The following POU6F2 variants were observed in gnomAD, a reference collection of about 807,000 sequenced individuals.
The protein encoded by POU6F2 is POU class 6 homeobox 2, also known as POU domain, class 6, transcription factor 2.
A neutral mutation model predicts 71.3 loss-of-function variants in POU6F2; 31 were observed. The ratio of observed to expected loss-of-function variants is 0.43; its 90% CI spans 0.33 to 0.59. The LOEUF (loss-of-function observed/expected upper bound fraction) is 0.59, where lower values mean the gene tolerates loss of function less well. Among genes scored for constraint, POU6F2 ranks in the 20% least tolerant of loss-of-function variants. POU6F2 has a pLI of 0.04. For synonymous variants in POU6F2, 347 were observed against 355.7 expected, an observed-to-expected ratio of 0.98 and a Z score of 0.27; for missense variants, 783 against 856.8, an observed-to-expected ratio of 0.91 and a Z score of 1.07.
intron 2 of POU6F2, among the ~76,000 whole-genome samples, chr7:39,121,961 AG>A (rs960476145): frequency 5.9e-5 from 9 of 152,232 alleles, no homozygotes; most frequent in Admixed American, 5.9e-4. Context: ...AGCCTACTAA[AG>A]TTCTGGGATT....
intron 4 of POU6F2, among the ~76,000 whole-genome samples, chr7:39,298,512 C>T (rs1784893868): frequency 6.6e-6 from 1 of 152,138 alleles, no homozygotes; most frequent in Middle Eastern, 3.2e-3. Context: ...CAATAGAATG[C>T]TGGTGAGGCT....
chr7:39,284,828 G>A (rs774434126), intron 4 of POU6F2, among the ~76,000 whole-genome samples: 15 of 152,092 alleles, frequency 9.9e-5, no homozygotes, highest in Non-Finnish European at 1.9e-4. Context: ...GTTATTTCAA[G>A]GTCTGTTTCC....
Position 39,464,280 on chromosome 7 carries a change from A to T in POU6F2, c.1757A>T (p.Tyr586Phe). 1 of 1,614,014 alleles carries T rather than the reference A, an allele frequency of 6.2e-7. No individual in the cohort carries two copies. Among genetic ancestry groups the T allele is most frequent in the Non-Finnish European group, 8.5e-7 (1 of 1,179,884 alleles). ...LTAKLNPGLL[Y>F]PARFEKLDIT... ...GCCAAACTGAACCCTGGCCTTTTGTATCCTGCCAGGTTTGAAAAGCTGGAC... is the reference window on the plus strand; with the variant it reads ...GCCAAACTGAACCCTGGCCTTTTGTTTCCTGCCAGGTTTGAAAAGCTGGAC... Residue 586 changes from tyrosine to phenylalanine, a missense_variant, in exon 10 of 10, where the codon TAT becomes TTT. This residue lies in a region of POU6F2 where 211 missense variants were observed against 283.9 expected (regional missense o/e 0.74). Transcript: ENST00000518318. This position sits in a 1 kb window ranked among gnomAD's most constrained non-coding sequence, Gnocchi z 4.1.
chr7:39,346,230 A>G (rs933388086), intron 5 of POU6F2, among the ~76,000 whole-genome samples: 3 of 152,072 alleles, frequency 2.0e-5, no homozygotes, highest in Non-Finnish European at 4.4e-5. Context: ...CCAAGAATCT[A>G]CTCATATACT....
intron 4 of POU6F2, among the ~76,000 whole-genome samples, chr7:39,250,294 AC>A (rs1783891829): frequency 6.6e-6 from 1 of 151,986 alleles, no homozygotes; most frequent in South Asian, 2.1e-4. Context: ...CTCTCATTGC[AC>A]CGCCTTTGGT....
chr7:39,399,791 A>G (rs956323933), intron 5 of POU6F2, among the ~76,000 whole-genome samples: 1 of 151,934 alleles, frequency 6.6e-6, no homozygotes, highest in Non-Finnish European at 1.5e-5. Context: ...TCGAGGCCAC[A>G]GTGAATTAGG....
rs549808173 is a variant in POU6F2, at chr7:39,460,537, A to T, written c.1490-10A>T. 8.7e-6 allele frequency: 14 copies of T among 1,612,900 alleles called. No individual in the cohort carries two copies. In the South Asian group the frequency reaches 1.4e-4, roughly 17 times the overall value. The stretch of plus-strand genomic sequence containing the variant: ...ACGTATTGATCCTATTTTTAAAAAC[A>T]TCTCCACAGATCCTCAAACGGCAGC... On this transcript the variant is annotated splice_polypyrimidine_tract_variant and intron_variant, in intron 8 of 9. Transcript: ENST00000518318. The surrounding 1 kb of genome is among the most constrained non-coding windows in gnomAD (Gnocchi z 4.4).
At chr7:39,414,199 C>A (rs1437019002) in intron 6 of POU6F2, among the ~76,000 whole-genome samples, 2 of 152,200 alleles carry the variant, frequency 1.3e-5, no homozygotes, top group African/African-American at 4.8e-5. Flanking sequence ...TTTAAAAATG[C>A]GAAATAGTGA....
At chr7:39,407,857 C>G (rs1393421132) in intron 6 of POU6F2, among the ~76,000 whole-genome samples, 1 of 152,154 alleles carries the variant, frequency 6.6e-6, no homozygotes, top group African/African-American at 2.4e-5. Context: ...CGTCAGAACC[C>G]CGAGGGCTGA....
intron 2 of POU6F2, among the ~76,000 whole-genome samples, chr7:39,100,189 A>G (rs1332530135): frequency 6.6e-6 from 1 of 152,224 alleles, no homozygotes; most frequent in Non-Finnish European, 1.5e-5. Flanking sequence ...ATCTTCAACA[A>G]TGAACCCTTT....
At chr7:39,015,671 T>TA (rs1789472363) in intron 1 of POU6F2, among the ~76,000 whole-genome samples, 1 of 99,554 alleles carries the variant, frequency 1.0e-5, no homozygotes, top group South Asian at 2.9e-4. Flanking sequence ...TATAGATATA[T>TA]TATATCTATG....
intron 2 of POU6F2, among the ~76,000 whole-genome samples, chr7:39,184,598 G>A (rs1004832716): frequency 1.3e-5 from 2 of 152,162 alleles, no homozygotes; most frequent in African/African-American, 2.4e-5. Flanking sequence ...GCAACTGTGC[G>A]GCAAGGCAAC....
intron 5 of POU6F2, among the ~76,000 whole-genome samples, chr7:39,382,414 A>G (rs1460696284): frequency 6.6e-6 from 1 of 152,174 alleles, no homozygotes; most frequent in East Asian, 1.9e-4. Flanking sequence ...GGCCAGCAGG[A>G]TGGGGGAAGA....
In POU6F2 at chr7:39,070,615, C is replaced by A. The variant is rs191450335; in HGVS notation, c.106-15245C>A. Among the ~76,000 whole-genome samples the A allele has an allele frequency of 1.4e-3, 216 of 152,096 alleles. 1 individual carries two copies. The highest frequency in any genetic ancestry group is 1.8e-3 in the Non-Finnish European group (124 of 67,990). On this transcript the variant is annotated intron_variant, in intron 1 of 9. Coordinates refer to ENST00000518318, the MANE Select transcript of POU6F2 (RefSeq NM_001370959.1). ...CTCAGCCCCACCAGCCTCCTCTCCC[C>A]AAGAGGGCACTAAACAGGCCTCCAG... is the stretch of plus-strand genomic sequence containing the variant.
chr7:39,246,449 C>T (rs76758952), intron 4 of POU6F2, among the ~76,000 whole-genome samples: 10,940 of 152,104 alleles, frequency 0.072, 514 homozygotes, highest in Admixed American at 0.13. Context: ...CTACTGAAAG[C>T]GACTTTTAAG....
In POU6F2 at chr7:38,977,976, C is replaced by T. The variant is rs1401822900; in HGVS notation, c.23C>T (p.Ser8Phe). The T allele has an allele frequency of 6.6e-6, 1 of 152,200 alleles. No individual in the cohort carries two copies. The highest frequency in any genetic ancestry group is 1.5e-5 in the Non-Finnish European group (1 of 68,060). 9.4% of individuals were successfully genotyped at this position (152,200 alleles called of 1,614,324 possible). A position where few individuals can be genotyped will look rare whatever the true frequency, so the allele number is the denominator to read the frequency against. Reference protein sequence around the residue: MHARNPHSPFQRQHMMDC... With the variant: MHARNPHFPFQRQHMMDC... The stretch of plus-strand genomic sequence containing the variant: ...CAGATGCATGCCAGAAACCCCCATT[C>T]TCCTTTTCAAAGACAACATATGATG... The change falls in exon 1 of 10, where the codon TCT (serine) becomes TTT (phenylalanine). Residue 8 changes from serine (S) to phenylalanine (F), a missense_variant. By Grantham distance (155) the Ser-to-Phe change is radical. Around this residue, in one of 2 missense-constraint regions of POU6F2, gnomAD observed 572 missense variants for 572.9 expected, o/e 1.00. Transcript: ENST00000518318.
At chr7:39,286,455 A>T (rs1257853853) in intron 4 of POU6F2, among the ~76,000 whole-genome samples, 1 of 152,230 alleles carries the variant, frequency 6.6e-6, no homozygotes, top group East Asian at 1.9e-4. Context: ...AAGGGGCAGA[A>T]TTAACAGGAC....
intron 2 of POU6F2, among the ~76,000 whole-genome samples, chr7:39,119,166 G>GC (rs1791992313): frequency 6.6e-6 from 1 of 152,184 alleles, no homozygotes; most frequent in Non-Finnish European, 1.5e-5. Flanking sequence ...CACAGGGGAG[G>GC]CAAGGTCTGG....
chr7:39,316,857 A>T (rs1278690384), intron 4 of POU6F2, among the ~76,000 whole-genome samples: 1 of 152,172 alleles, frequency 6.6e-6, no homozygotes, highest in South Asian at 2.1e-4. Context: ...TAACCACCTA[A>T]TAATAAAAGA....
Sources: allele counts gnomAD v4.1 joint callset (sites outside exome capture counted in the v4.1 genomes callset), GRCh38; gene constraint gnomAD v4.1.1; regional missense constraint gnomAD v4.1.1; non-coding constraint Gnocchi (gnomAD v3.1); transcripts MANE v1.5; gene names NCBI Gene and HGNC (gene_info 2026-07-23, HGNC 2026-07-21).